AP5Z1: variants seen among roughly 807,000 people sequenced by gnomAD.
AP5Z1 encodes the protein AP-5 complex subunit zeta-1.
AP5Z1 carries 106 observed loss-of-function variants against 83.0 expected under a neutral mutation model. That is an observed-to-expected ratio of 1.28 (90% CI 1.09 to 1.50). The LOEUF is 1.50. Ranked by LOEUF, AP5Z1 falls within the 40% of genes most tolerant of loss-of-function variation. AP5Z1 has a pLI of 0.00. For missense variants in AP5Z1, 1,565 were observed against 1,094.2 expected, an observed-to-expected ratio of 1.43 and a Z score of -6.07; for synonymous variants, 751 against 514.1, an observed-to-expected ratio of 1.46 and a Z score of -6.23.
At chr7:4,775,860 A>T in intron 1 of AP5Z1, 104 bp downstream of exon 1, 1 of 1,456,858 alleles carries the variant, frequency 6.9e-7, no homozygotes, top group Non-Finnish European at 9.2e-7. Flanking sequence ...CCTTGCAGGA[A>T]CCCGACTGGA....
chr7:4,778,525 G>A (rs942330115), intron 1 of AP5Z1, among the ~76,000 whole-genome samples: 3 of 152,116 alleles, frequency 2.0e-5, no homozygotes, highest in African/African-American at 7.2e-5. Context: ...GAAGGAAGGC[G>A]GGGCCGGGCT....
chr7:4,786,490 C>G (rs1781549290), intron 10 of AP5Z1, 62 bp downstream of exon 10: 2 of 1,584,448 alleles, frequency 1.3e-6, no homozygotes, highest in Non-Finnish European at 1.7e-6. Context: ...GGCTCCTCCC[C>G]TCTTTCCAGC....
rs1433612885 is a variant in AP5Z1 at position 4,784,224 on chromosome 7, G to T, written c.643G>T (p.Asp215Tyr). ...ACAGCCGGGCCCCGTCACCGAGGTG[G>T]ACGGGGCGGTAGCCACAGACTTCTT... ...ARQPGPVTEV[D>Y]GAVATDFFTV... Residue 215 changes from aspartate to tyrosine, a missense_variant, in exon 6 of 17, where the codon GAC becomes TAC. Coordinates refer to ENST00000649063, the MANE Select transcript of AP5Z1 (RefSeq NM_014855.3). 1 of 1,587,222 alleles carries T rather than the reference G, an allele frequency of 6.3e-7. No individual in the cohort carries two copies. Among genetic ancestry groups the T allele is most frequent in the South Asian group, 1.2e-5 (1 of 86,866 alleles).
intron 1 of AP5Z1, among the ~76,000 whole-genome samples, chr7:4,776,026 T>G (rs1014512549): frequency 4.6e-5 from 7 of 152,066 alleles, no homozygotes; most frequent in African/African-American, 1.4e-4. Flanking sequence ...GTCGACAGTT[T>G]AGTCAAAGGC....
chr7:4,785,760 CTTT>C lies in AP5Z1; in HGVS notation c.1132+94_1132+96del, dbSNP rs74274130. On this transcript the variant is annotated intron_variant, in intron 9 of 16. Transcript: ENST00000649063. ...GTTTTAGGATGGAATTTCTTCTTCC[CTTT>C]TTTTTTTTTTTTTTTTTGATTGAAT... 0.022 allele frequency: 24,082 copies of C among 1,107,592 alleles called. 107 individuals carry two copies. Among genetic ancestry groups the C allele is most frequent in the African/African-American group, 0.081 (4,335 of 53,476 alleles). The allele number at this position is 1,107,592 out of a possible 1,614,324, so 68.6% of individuals were successfully genotyped here.
intron 12 of AP5Z1, chr7:4,788,621 C>T (rs1781637110): frequency 3.8e-6 from 2 of 520,720 alleles, no homozygotes; most frequent in Non-Finnish European, 6.7e-6. Flanking sequence ...GGCCTCCTGC[C>T]CTCAGCCCAC....
At chr7:4,784,408 G>T in intron 6 of AP5Z1, 37 bp downstream of exon 6, 1 of 1,549,996 alleles carries the variant, frequency 6.5e-7, no homozygotes, top group South Asian at 1.2e-5. Context: ...GACAGGGGTG[G>T]GAGGTGGGCG....
chr7:4,784,759 G>C, intron 6 of AP5Z1, 149 bp from the exon 7 acceptor site: 7 of 1,104,650 alleles, frequency 6.3e-6, no homozygotes, highest in Non-Finnish European at 8.7e-6. Flanking sequence ...AAGCTGCCGG[G>C]TGGGTGGACG....
At chr7:4,776,041 C>T (rs114742032) in intron 1 of AP5Z1, among the ~76,000 whole-genome samples, 1 of 152,070 alleles carries the variant, frequency 6.6e-6, no homozygotes. Flanking sequence ...AAAGGCTTGG[C>T]GGTGAGAACT....
chr7:4,785,803 T>C, intron 9 of AP5Z1, 119 bp downstream of exon 9: 1 of 1,320,892 alleles, frequency 7.6e-7, no homozygotes, highest in Non-Finnish European at 9.9e-7. Flanking sequence ...ACAGGGGTCT[T>C]GCTGTGTTGC....
At chr7:4,780,357 C>G (rs575547449) in intron 1 of AP5Z1, among the ~76,000 whole-genome samples, 2 of 152,050 alleles carry the variant, frequency 1.3e-5, no homozygotes, top group African/African-American at 4.8e-5. Flanking sequence ...TGGTGGCTCA[C>G]GCTTGTCATC....
At chr7:4,789,182 CCCCTT>C in intron 13 of AP5Z1, 2 of 486,802 alleles carry the variant, frequency 4.1e-6, no homozygotes, top group Non-Finnish European at 7.4e-6. Context: ...CCCGTCCCAT[CCCCTT>C]CATCCCGGCA....
chr7:4,788,104 T>C lies in AP5Z1; in HGVS notation c.1455-50T>C, dbSNP rs956841294. On this transcript the variant is annotated intron_variant, in intron 11 of 16. Transcript: ENST00000649063. The stretch of plus-strand genomic sequence containing the variant: ...TGTGTCTCCCTGACGGGGGTGCCCT[T>C]GAGTGCAGGGGCCGCATCCCAGCCT... 7 of 1,471,316 alleles carry C rather than the reference T, an allele frequency of 4.8e-6. No individual in the cohort carries two copies. In the African/African-American group the frequency reaches 1.0e-4, roughly 21 times the overall value. The allele number at this position is 1,471,316 out of a possible 1,614,324, so 91.1% of individuals were successfully genotyped here. A position where few individuals can be genotyped will look rare whatever the true frequency, so the allele number is the denominator to read the frequency against.
chr7:4,789,763 G>T, intron 13 of AP5Z1, 69 bp from the exon 14 acceptor site: 1 of 1,301,474 alleles, frequency 7.7e-7, no homozygotes, highest in Non-Finnish European at 1.1e-6. Flanking sequence ...CCTCACCATG[G>T]CTTCACCCCC....
chr7:4,784,873 C>T (rs202012420), intron 6 of AP5Z1, 35 bp from the exon 7 acceptor site: 79 of 1,594,384 alleles, frequency 5.0e-5, no homozygotes, highest in Non-Finnish European at 6.1e-5. Flanking sequence ...CCGGGAGCCA[C>T]ACGTCAGCCT....
chr7:4,783,829 G>T, intron 5 of AP5Z1, 31 bp downstream of exon 5: 1 of 1,532,424 alleles, frequency 6.5e-7, no homozygotes, highest in Non-Finnish European at 8.8e-7. Context: ...GAACCATGGG[G>T]AACAGAGTCA....
intron 3 of AP5Z1, among the ~76,000 whole-genome samples, chr7:4,782,097 G>T (rs930074031): frequency 2.0e-5 from 3 of 152,200 alleles, no homozygotes; most frequent in Admixed American, 2.0e-4. Flanking sequence ...CTGCTGTCCA[G>T]TGTAGAGTGC....
chr7:4,785,419 C>T lies in AP5Z1; in HGVS notation c.936C>T (p.Ala312=). The change falls in exon 8 of 17, where the codon GCC becomes GCT. Residue 312 remains alanine, a synonymous_variant. Coordinates refer to ENST00000649063, the MANE Select transcript of AP5Z1 (RefSeq NM_014855.3). ...QRLIEQSNRR[A]LRKGDSDLQK... ...GACTTTTTCCCCTCCTTCCAGGAGC[C>T]CTGAGGAAGGGGGACTCCGACCTGC... 6.2e-7 allele frequency: 1 copy of T among 1,613,278 alleles called. No individual in the cohort carries two copies. Among genetic ancestry groups the T allele is most frequent in the Non-Finnish European group, 8.5e-7 (1 of 1,179,620 alleles).
chr7:4,784,085 G>A (rs1039699117), intron 5 of AP5Z1, 118 bp from the exon 6 acceptor site: 14 of 1,279,216 alleles, frequency 1.1e-5, no homozygotes, highest in South Asian at 6.0e-5. Context: ...AGGGCGGGCC[G>A]CTGCCCGGGC....
Sources: gnomAD v4.1 joint callset for allele counts (sites outside exome capture counted in the v4.1 genomes callset) on GRCh38, gnomAD v4.1.1 for gene constraint, MANE v1.5 for transcripts, NCBI Gene and HGNC (gene_info 2026-07-23, HGNC 2026-07-21) for gene names.